MCM3AP: variants seen among roughly 807,000 people sequenced by gnomAD.
MCM3AP encodes the protein germinal-center associated nuclear protein.
Under a neutral mutation model 184.1 loss-of-function variants are expected in MCM3AP, and 126 were observed. That is an observed-to-expected ratio of 0.68 (90% CI 0.59 to 0.79). The LOEUF (loss-of-function observed/expected upper bound fraction) is 0.79, where lower values mean the gene tolerates loss of function less well. MCM3AP is among the 30% of genes least tolerant of loss of function. MCM3AP has a pLI of 0.00. For synonymous variants in MCM3AP, 1,002 were observed against 979.3 expected (o/e 1.02, Z -0.43); for missense variants, 2,496 against 2,479.2 (o/e 1.01, Z -0.14).
Position 46,258,921 on chromosome 21 carries a change from T to A in MCM3AP, c.3734+18A>T. Reference sequence around the variant, plus strand: ...TCCCCGTGTGTGTGGATTTTGCCTGTAGGAACACAGGACTCACCGCTGTAG... The same window carrying A: ...TCCCCGTGTGTGTGGATTTTGCCTGAAGGAACACAGGACTCACCGCTGTAG... On this transcript the variant is annotated intron_variant, in intron 16 of 27. Transcript: ENST00000291688. 1 of 1,613,952 alleles carries A rather than the reference T, an allele frequency of 6.2e-7. No individual in the cohort carries two copies. The highest frequency in any genetic ancestry group is 2.2e-5 in the East Asian group (1 of 44,870).
At chr21:46,238,246 GCTTAT>G (rs1482052007) in intron 26 of MCM3AP, among the ~76,000 whole-genome samples, 1 of 119,680 alleles carries the variant, frequency 8.4e-6, no homozygotes, top group African/African-American at 3.4e-5. Flanking sequence ...GTCTTGTTTG[GCTTAT>G]CTTATTTAAT....
At chr21:46,240,213 G>T (rs911251308) in intron 26 of MCM3AP, among the ~76,000 whole-genome samples, 5 of 152,150 alleles carry the variant, frequency 3.3e-5, no homozygotes, top group African/African-American at 9.7e-5. Flanking sequence ...GAGCTGCATG[G>T]TTCGTTTCCA....
intron 19 of MCM3AP, 166 bp from the exon 20 acceptor site, chr21:46,251,848 T>C (rs2145637099): frequency 2.1e-6 from 1 of 479,478 alleles, no homozygotes; most frequent in East Asian, 3.0e-5. Flanking sequence ...AACAGGCTGT[T>C]GTTTTAAAAT....
intron 12 of MCM3AP, among the ~76,000 whole-genome samples, chr21:46,264,634 CCT>C (rs886441935): frequency 7.2e-5 from 11 of 152,318 alleles, no homozygotes; most frequent in South Asian, 2.1e-4. Flanking sequence ...CCATGCCCAC[CCT>C]GAGGCCACAA....
At chr21:46,261,022 GC>G in intron 14 of MCM3AP, 116 bp from the exon 15 acceptor site, 2 of 894,242 alleles carry the variant, frequency 2.2e-6, no homozygotes, top group Non-Finnish European at 3.5e-6. Flanking sequence ...GAGTCGGTAG[GC>G]CACCCCTACT....
chr21:46,235,605 A>G (rs1293755237), intron 27 of MCM3AP, among the ~76,000 whole-genome samples, 179 bp from the exon 28 acceptor site: 2 of 152,240 alleles, frequency 1.3e-5, no homozygotes, highest in African/African-American at 4.8e-5. Context: ...TCGTACATTC[A>G]GCTGGTATCT....
At chr21:46,281,304 C>T (rs117174423) in intron 2 of MCM3AP, among the ~76,000 whole-genome samples, 6,603 of 152,236 alleles carry the variant, frequency 0.043, 208 homozygotes, top group Non-Finnish European at 0.067. Context: ...AAACCAACCA[C>T]GTTAGTCTCC....
chr21:46,244,174 C>T (rs2123824703), intron 23 of MCM3AP, among the ~76,000 whole-genome samples: 1 of 152,316 alleles, frequency 6.6e-6, no homozygotes, highest in South Asian at 2.1e-4. Flanking sequence ...CGCCTGAGGC[C>T]CAAAGGGGAG....
In MCM3AP at chr21:46,246,649, C is replaced by T. The variant is rs1187254675; in HGVS notation, c.4528G>A (p.Val1510Ile). ...AAACCATCTTCTACTTCCTTCTCAA[C>T]GGCGTCCCCTCCTGGGCTAGGCACA... ...VLVPSPGGDA[V>I]EKEVEDGLML... Residue 1510 changes from valine (V) to isoleucine (I), a missense_variant, in exon 21 of 28, where the codon GTT becomes ATT. Transcript: ENST00000291688. The T allele has an allele frequency of 6.2e-6, 10 of 1,610,740 alleles. No individual in the cohort carries two copies. The highest frequency in any genetic ancestry group is 5.5e-5 in the South Asian group (5 of 91,072).
In MCM3AP at chr21:46,235,302, T is replaced by A; in HGVS notation, c.5909A>T (p.His1970Leu). The A allele has an allele frequency of 6.2e-7, 1 of 1,614,212 alleles. No individual in the cohort carries two copies. Among genetic ancestry groups the A allele is most frequent in the Admixed American group, 1.7e-5 (1 of 60,026 alleles). The change falls in exon 28 of 28, where the codon CAT (histidine) becomes CTT (leucine). Residue 1970 changes from histidine to leucine, a missense_variant. His to Leu is a moderately conservative substitution (Grantham distance 99). Around this residue, in one of 5 missense-constraint regions of MCM3AP, gnomAD observed 1,323 missense variants for 1,273.4 expected, o/e 1.04. Coordinates refer to ENST00000291688, the MANE Select transcript of MCM3AP (RefSeq NM_003906.5). ...SREEEVASEL[H>L]LSALLDMVDI ...CACCATGTCTAGCAGCGCAGAGAGA[T>A]GGAGCTCAGAGGCAACTTCCTCTTC...
chr21:46,254,520 C>G lies in MCM3AP; in HGVS notation c.4008G>C (p.Val1336=). The G allele has an allele frequency of 6.2e-7, 1 of 1,614,076 alleles. No homozygotes were observed. Among genetic ancestry groups the G allele is most frequent in the Non-Finnish European group, 8.5e-7 (1 of 1,180,038 alleles). ...ATGGCAGGTCCAGAGACGCCCATGC[C>G]ACATCACTGGGAGGAACAGACCACC... ...QHFYQQLLSD[V]AWASLDLPSL... The change falls in exon 19 of 28, where the codon GTG becomes GTC. Residue 1336 remains valine (V), a synonymous_variant. Transcript: ENST00000291688.
At chr21:46,279,365 T>C (rs1362201640) in intron 4 of MCM3AP, among the ~76,000 whole-genome samples, 1 of 152,240 alleles carries the variant, frequency 6.6e-6, no homozygotes, top group Non-Finnish European at 1.5e-5. Context: ...CATTTATATG[T>C]CAAGTGGAAC....
intron 22 of MCM3AP, 44 bp downstream of exon 22, chr21:46,246,263 A>G: frequency 7.7e-7 from 1 of 1,305,868 alleles, no homozygotes. Flanking sequence ...AAAGGGGAAA[A>G]AACAAAATAT....
At position 46,254,276 on chromosome 21, in the gene MCM3AP, T is replaced by C. The variant is rs1474371915; in HGVS notation, c.4136+116A>G. The C allele has an allele frequency of 5.5e-6, 6 of 1,099,966 alleles. No homozygotes were observed. The East Asian group carries it at 1.2e-4, about 22-fold the overall frequency. 68.1% of individuals were successfully genotyped at this position (1,099,966 alleles called of 1,614,324 possible). A position where few individuals can be genotyped will look rare whatever the true frequency, so the allele number is the denominator to read the frequency against. On this transcript the variant is annotated intron_variant, in intron 19 of 27. Coordinates refer to ENST00000291688, the MANE Select transcript of MCM3AP (RefSeq NM_003906.5). ...GACTGTAAATCCAAGCATTAAAACA[T>C]AAACCTACACTTCCGAGTTCCCATC...
chr21:46,275,500 A>G (rs1174414249), intron 5 of MCM3AP, among the ~76,000 whole-genome samples, 175 bp from the exon 6 acceptor site: 2 of 152,334 alleles, frequency 1.3e-5, no homozygotes, highest in Middle Eastern at 3.4e-3. Context: ...CTTATGGTCT[A>G]TTATGCCAGG....
intron 26 of MCM3AP, among the ~76,000 whole-genome samples, chr21:46,239,912 T>C (rs1300397055): frequency 1.3e-5 from 2 of 152,016 alleles, no homozygotes; most frequent in Non-Finnish European, 2.9e-5. Flanking sequence ...AGGACTGGGA[T>C]TCACGGTCAT....
chr21:46,284,927 A>G lies in MCM3AP; in HGVS notation c.360T>C (p.Ala120=), dbSNP rs111899493. 42 of 1,614,198 alleles carry G rather than the reference A, an allele frequency of 2.6e-5. No individual in the cohort carries two copies. Among genetic ancestry groups the G allele is most frequent in the Non-Finnish European group, 3.5e-5 (41 of 1,180,036 alleles). Residue 120 remains alanine, a synonymous_variant, in exon 1 of 28, where the codon GCT becomes GCC. Transcript: ENST00000291688. ...FSFKSPTSVG[A]FPSTSAFGQE... The stretch of plus-strand genomic sequence containing the variant: ...GTCCAAAAGCAGAAGTGCTTGGGAA[A>G]GCCCCAACACTGGTGGGTGATTTAA...
intron 8 of MCM3AP, 24 bp from the exon 9 acceptor site, chr21:46,270,587 G>C (rs1302049560): frequency 1.9e-6 from 3 of 1,553,310 alleles, no homozygotes; most frequent in Non-Finnish European, 1.7e-6. Flanking sequence ...GAGAGAAAAG[G>C]GGTTGGAATG....
In MCM3AP at chr21:46,266,018, C is replaced by A. The variant is rs750061966; in HGVS notation, c.2938G>T (p.Val980Leu). 3.7e-6 allele frequency: 6 copies of A among 1,611,260 alleles called. No homozygotes were observed. The highest frequency in any genetic ancestry group is 5.1e-6 in the Non-Finnish European group (6 of 1,178,716). The change falls in exon 11 of 28, where the codon GTG (valine) becomes TTG (leucine). Residue 980 changes from valine to leucine, a missense_variant. Transcript: ENST00000291688. ...PLPPVPRHTPVCSFNSQNKYI... is the reference protein window; with the variant it reads ...PLPPVPRHTPLCSFNSQNKYI... ...TTGTTCTGGGAGTTGAAGCTGCACA[C>A]AGGGGTATGACGAGGGACGGGGGGC...
Sources: gnomAD v4.1 joint callset for allele counts (sites outside exome capture counted in the v4.1 genomes callset) on GRCh38, gnomAD v4.1.1 for gene constraint, gnomAD v4.1.1 regional missense constraint, MANE v1.5 for transcripts, NCBI Gene and HGNC (gene_info 2026-07-23, HGNC 2026-07-21) for gene names.